Variants in ATP10A observed in about 807,000 individuals in gnomAD.
ATP10A encodes phospholipid-transporting ATPase VA.
ATP10A carries 111 observed loss-of-function variants against 147.8 expected under a neutral mutation model. The ratio of observed to expected loss-of-function variants is 0.75; its 90% CI spans 0.64 to 0.88. ATP10A has a LOEUF of 0.88. Ranked by LOEUF, ATP10A falls within the 40% of genes least tolerant of loss-of-function variation. ATP10A has a pLI of 0.00. For missense variants in ATP10A, 1,927 were observed against 1,959.0 expected, an observed-to-expected ratio of 0.98 and a Z score of 0.31; for synonymous variants, 875 against 841.6, an observed-to-expected ratio of 1.04 and a Z score of -0.69.
At chr15:25,855,573 CAT>C (rs1491044392) in intron 1 of ATP10A, among the ~76,000 whole-genome samples, 1 of 151,588 alleles carries the variant, frequency 6.6e-6, no homozygotes. Context: ...CACACACACA[CAT>C]ACATGCAAAC....
chr15:25,757,113 C>G (rs1444529470), intron 2 of ATP10A, among the ~76,000 whole-genome samples: 1 of 152,088 alleles, frequency 6.6e-6, no homozygotes, highest in Non-Finnish European at 1.5e-5. Flanking sequence ...TAGGTCATTT[C>G]TTGATAAGTT....
In ATP10A at chr15:25,841,958, G is replaced by A. The variant is rs1174482793; in HGVS notation, c.449+20690C>T. Among the ~76,000 whole-genome samples, 4 of 152,134 alleles carry A rather than the reference G, an allele frequency of 2.6e-5. No individual in the cohort carries two copies. In the East Asian group the frequency reaches 7.7e-4, roughly 29 times the overall value. On this transcript the variant is annotated intron_variant, in intron 1 of 20. Transcript: ENST00000555815. Reference sequence around the variant, plus strand: ...TCAGTTGTAAGAGGTTTTGTTTTGGGTTTTGTAGAATCAGTCTTTCATCCT... The same window carrying A: ...TCAGTTGTAAGAGGTTTTGTTTTGGATTTTGTAGAATCAGTCTTTCATCCT...
chr15:25,825,922 T>C (rs1028583719), intron 1 of ATP10A, among the ~76,000 whole-genome samples: 6 of 151,970 alleles, frequency 3.9e-5, no homozygotes, highest in African/African-American at 1.2e-4. Flanking sequence ...AAGAAAACCA[T>C]GTCTACAGAA....
intron 2 of ATP10A, among the ~76,000 whole-genome samples, chr15:25,756,829 C>T (rs1182472112): frequency 2.0e-5 from 3 of 152,110 alleles, no homozygotes; most frequent in Non-Finnish European, 4.4e-5. Context: ...AGCAAAATAC[C>T]TGTGTATTTA....
At chr15:25,727,381 G>A in intron 3 of ATP10A, 115 bp from the exon 4 acceptor site, 1 of 940,742 alleles carries the variant, frequency 1.1e-6, no homozygotes. Context: ...GGGCCGCTGG[G>A]ATCTGGACTG....
At chr15:25,827,684 C>A (rs1227382201) in intron 1 of ATP10A, among the ~76,000 whole-genome samples, 1 of 152,118 alleles carries the variant, frequency 6.6e-6, no homozygotes, top group Non-Finnish European at 1.5e-5. Context: ...AAATGGCACA[C>A]AAGCAAATAT....
Position 25,725,981 on chromosome 15 carries a change from G to C in ATP10A, c.949C>G (p.Leu317Val). Reference sequence around the variant, plus strand: ...GCTGAAAACAGAGACATGCAAACAAGGAGCAGGACACACCAGAGCACGTCG... The same window carrying C: ...GCTGAAAACAGAGACATGCAAACAACGAGCAGGACACACCAGAGCACGTCG... Reference protein sequence around the residue: ...NCDVLWCVLLLVCMSLFSAVG... With the variant: ...NCDVLWCVLLVVCMSLFSAVG... Residue 317 changes from leucine (L) to valine (V), a missense_variant, in exon 5 of 21, where the codon CTT becomes GTT. Coordinates refer to ENST00000555815, the MANE Select transcript of ATP10A (RefSeq NM_024490.4). The C allele has an allele frequency of 6.2e-7, 1 of 1,613,816 alleles. No homozygotes were observed. The highest frequency in any genetic ancestry group is 1.1e-5 in the South Asian group (1 of 91,046).
chr15:25,753,422 C>T (rs1050404870), intron 2 of ATP10A, among the ~76,000 whole-genome samples: 1 of 149,846 alleles, frequency 6.7e-6, no homozygotes, highest in East Asian at 1.9e-4. Context: ...ACAGAATTTC[C>T]TTCTTTTTAA....
intron 1 of ATP10A, among the ~76,000 whole-genome samples, chr15:25,788,745 C>T (rs1395284020): frequency 6.6e-6 from 1 of 152,156 alleles, no homozygotes; most frequent in East Asian, 1.9e-4. Context: ...ACAGGATTTC[C>T]ATGAAATGGA....
intron 5 of ATP10A, among the ~76,000 whole-genome samples, chr15:25,725,703 C>A (rs1423524203): frequency 6.6e-6 from 1 of 151,682 alleles, no homozygotes; most frequent in African/African-American, 2.4e-5. Context: ...GGTGCGATCT[C>A]AGCTCGCTGC....
intron 15 of ATP10A, among the ~76,000 whole-genome samples, chr15:25,688,992 T>A (rs942821577): frequency 1.3e-5 from 2 of 152,142 alleles, no homozygotes. Flanking sequence ...ACAGTCCCCG[T>A]CCTCCACAGA....
At chr15:25,761,050 TAC>T (rs1288722914) in intron 2 of ATP10A, among the ~76,000 whole-genome samples, 2 of 152,140 alleles carry the variant, frequency 1.3e-5, no homozygotes, top group Non-Finnish European at 2.9e-5. Context: ...ATCCAAAAGA[TAC>T]ATAGTTGAGC....
intron 7 of ATP10A, among the ~76,000 whole-genome samples, chr15:25,718,795 C>T (rs925209990): frequency 8.5e-5 from 13 of 152,236 alleles, no homozygotes; most frequent in Non-Finnish European, 1.6e-4. Flanking sequence ...GCTGGGATGA[C>T]GGTGCTCACC....
chr15:25,777,015 C>A (rs970893826), intron 2 of ATP10A, among the ~76,000 whole-genome samples: 1 of 152,070 alleles, frequency 6.6e-6, no homozygotes, highest in Non-Finnish European at 1.5e-5. Flanking sequence ...GTGAATAGGC[C>A]TGAGTCCTCC....
intron 1 of ATP10A, among the ~76,000 whole-genome samples, chr15:25,805,352 ATGC>A (rs1239064593): frequency 3.3e-5 from 5 of 152,198 alleles, no homozygotes; most frequent in African/African-American, 1.2e-4. Context: ...AGGAAAAGAG[ATGC>A]TGCCTTCATT....
chr15:25,742,366 G>A (rs757153541), intron 2 of ATP10A, among the ~76,000 whole-genome samples: 16 of 152,340 alleles, frequency 1.1e-4, no homozygotes, highest in South Asian at 4.1e-4. Flanking sequence ...AGATTTTCTT[G>A]CCGCAAGCAC....
At chr15:25,802,803 A>C (rs1265092329) in intron 1 of ATP10A, among the ~76,000 whole-genome samples, 1 of 152,126 alleles carries the variant, frequency 6.6e-6, no homozygotes, top group Non-Finnish European at 1.5e-5. Context: ...CAGATGATCC[A>C]GGAGAATCTA....
intron 1 of ATP10A, among the ~76,000 whole-genome samples, chr15:25,848,086 G>A (rs962684705): frequency 6.6e-6 from 1 of 151,624 alleles, no homozygotes; most frequent in African/African-American, 2.4e-5. Flanking sequence ...AGAAGTTCAA[G>A]ACCAGCCTGG....
upstream of ATP10A, among the ~76,000 whole-genome samples, chr15:25,863,444 T>G (rs1893870286): frequency 6.6e-6 from 1 of 152,050 alleles, no homozygotes; most frequent in South Asian, 2.1e-4. Flanking sequence ...CCACGCCGGA[T>G]AGCGGGAAAC....
Sources: allele counts gnomAD v4.1 joint callset (sites outside exome capture counted in the v4.1 genomes callset), GRCh38; gene constraint gnomAD v4.1.1; transcripts MANE v1.5; gene names NCBI Gene and HGNC (gene_info 2026-07-23, HGNC 2026-07-21).